Variants in MEI1 observed in about 807,000 individuals in gnomAD.
MEI1 encodes meiotic double-stranded break formation protein 1, also known as meiosis inhibitor protein 1.
A neutral mutation model predicts 146.2 loss-of-function variants in MEI1; 103 were observed. The ratio of observed to expected loss-of-function variants is 0.70; its 90% CI spans 0.60 to 0.83. MEI1 has a LOEUF of 0.83. MEI1 is among the 40% of genes least tolerant of loss of function. The probability of loss-of-function intolerance (pLI) is 0.00; values close to 1 mark genes in which losing one functional copy is unlikely to be tolerated. For missense variants in MEI1, 1,529 were observed against 1,533.0 expected, an observed-to-expected ratio of 1.00 and a Z score of 0.04; for synonymous variants, 652 against 628.2, an observed-to-expected ratio of 1.04 and a Z score of -0.57.
intron 22 of MEI1, among the ~76,000 whole-genome samples, chr22:41,780,779 C>G (rs1467494275): frequency 6.6e-6 from 1 of 151,902 alleles, no homozygotes; most frequent in Non-Finnish European, 1.5e-5. Context: ...GAGACGGGGT[C>G]TCACCACATT....
At chr22:41,721,273 C>T (rs2070771581) in intron 6 of MEI1, among the ~76,000 whole-genome samples, 2 of 116,016 alleles carry the variant, frequency 1.7e-5, no homozygotes, top group African/African-American at 7.0e-5. Flanking sequence ...GAGACGGAGT[C>T]TCGCTCTGTC....
chr22:41,719,763 A>AT (rs1164655407), intron 6 of MEI1, among the ~76,000 whole-genome samples: 2 of 152,016 alleles, frequency 1.3e-5, no homozygotes, highest in East Asian at 1.9e-4. Flanking sequence ...CTCTCCTGCT[A>AT]TTTTTTTACA....
chr22:41,775,956 A>T, intron 20 of MEI1, 146 bp from the exon 21 acceptor site: 1 of 725,680 alleles, frequency 1.4e-6, no homozygotes, highest in Non-Finnish European at 2.3e-6. Flanking sequence ...AGCCTTTGGT[A>T]CATAATAGGT....
At chr22:41,765,883 C>A (rs201613568) in intron 19 of MEI1, among the ~76,000 whole-genome samples, 2 of 86,106 alleles carry the variant, frequency 2.3e-5, no homozygotes, top group Non-Finnish European at 2.3e-5. Context: ...CCAAAATGTT[C>A]TTTTTTTTTT....
At chr22:41,792,803 T>A (rs1056770293) in intron 26 of MEI1, among the ~76,000 whole-genome samples, 3 of 152,160 alleles carry the variant, frequency 2.0e-5, no homozygotes, top group African/African-American at 7.2e-5. Context: ...CTTTAGCTAT[T>A]GGTAGATGTA....
At chr22:41,792,918 TAAA>T (rs139554) in intron 26 of MEI1, among the ~76,000 whole-genome samples, 249 of 144,306 alleles carry the variant, frequency 1.7e-3, no homozygotes, top group Middle Eastern at 7.3e-3. Context: ...CCTGTTGCTT[TAAA>T]AAAAAAAAAA....
chr22:41,768,808 C>T (rs2075008747), intron 19 of MEI1, among the ~76,000 whole-genome samples: 2 of 152,316 alleles, frequency 1.3e-5, no homozygotes, highest in Non-Finnish European at 1.5e-5. Flanking sequence ...CCAGGCTCCT[C>T]CTCCAACACT....
intron 23 of MEI1, 94 bp downstream of exon 23, chr22:41,781,488 G>A: frequency 8.3e-7 from 1 of 1,211,040 alleles, no homozygotes; most frequent in East Asian, 2.6e-5. Context: ...AAATAGGGTT[G>A]TGTGTGTGGC....
intron 11 of MEI1, among the ~76,000 whole-genome samples, chr22:41,737,605 G>A (rs1285758730): frequency 1.3e-5 from 2 of 151,760 alleles, no homozygotes; most frequent in Middle Eastern, 3.2e-3. Flanking sequence ...GCAGTCATGC[G>A]ATCTTAGCTA....
chr22:41,794,565 C>G, intron 28 of MEI1, 88 bp downstream of exon 28: 1 of 1,070,356 alleles, frequency 9.3e-7, no homozygotes, highest in Non-Finnish European at 1.4e-6. Flanking sequence ...CTTTAGGTAA[C>G]CCTAATCCTT....
intron 20 of MEI1, among the ~76,000 whole-genome samples, chr22:41,772,409 G>C (rs114833052): frequency 1.3e-5 from 2 of 151,916 alleles, no homozygotes; most frequent in Admixed American, 6.6e-5. Flanking sequence ...TTGGGAGGCC[G>C]AGCCAGGTGA....
chr22:41,774,908 C>G (rs1253347231), intron 20 of MEI1, among the ~76,000 whole-genome samples: 2 of 152,212 alleles, frequency 1.3e-5, no homozygotes, highest in Non-Finnish European at 2.9e-5. Context: ...CCCCATCCCT[C>G]TCCTTCTGCC....
chr22:41,699,507 G>A lies in MEI1; in HGVS notation c.-32G>A, dbSNP rs774358119. ...GCATGCGTGCAGTCTGCGCGGGAAA[G>A]AGTGCCGCCTCAGCTGAGGGCAAGC... On this transcript the variant is annotated 5_prime_UTR_variant, in exon 1 of 31. Coordinates refer to ENST00000401548, the MANE Select transcript of MEI1 (RefSeq NM_152513.4). 4.4e-6 allele frequency: 7 copies of A among 1,589,930 alleles called. No homozygotes were observed. In the East Asian group the frequency reaches 1.6e-4, roughly 36 times the overall value.
chr22:41,756,516 C>T (rs2074102328), intron 17 of MEI1, among the ~76,000 whole-genome samples: 1 of 152,078 alleles, frequency 6.6e-6, no homozygotes, highest in African/African-American at 2.4e-5. Context: ...TTCTGTTGCC[C>T]AGGCTGGAGT....
chr22:41,758,310 T>G, intron 17 of MEI1, 55 bp from the exon 18 acceptor site: 1 of 1,544,394 alleles, frequency 6.5e-7, no homozygotes, highest in Non-Finnish European at 8.9e-7. Flanking sequence ...AATGTGCTGA[T>G]TACCTGTTCT....
Position 41,705,529 on chromosome 22 carries a change from G to A in MEI1, c.324G>A (p.Gly108=), listed in dbSNP as rs1240635597. ...LFGLLCSMED[G]SVTDLCIEVL... is the part of the protein sequence containing the mutation. ...GACTATTATGCAGCATGGAAGATGG[G>A]AGTGTGACAGACCTCTGTATTGAAG... Residue 108 remains glycine, a synonymous_variant, in exon 3 of 31, where the codon GGG becomes GGA. Coordinates refer to ENST00000401548, the MANE Select transcript of MEI1 (RefSeq NM_152513.4). 4.3e-6 allele frequency: 7 copies of A among 1,613,634 alleles called. No individual in the cohort carries two copies. Among genetic ancestry groups the A allele is most frequent in the Non-Finnish European group, 5.9e-6 (7 of 1,179,682 alleles).
intron 5 of MEI1, among the ~76,000 whole-genome samples, chr22:41,716,392 T>A (rs1275307655): frequency 1.4e-5 from 1 of 70,244 alleles, no homozygotes; most frequent in African/African-American, 6.4e-5. Context: ...TTTTTTTTTT[T>A]TGAGACGGAG....
intron 3 of MEI1, chr22:41,709,215 C>G: frequency 1.2e-6 from 1 of 854,282 alleles, no homozygotes; most frequent in Non-Finnish European, 2.0e-6. Flanking sequence ...AAAATGTACA[C>G]ACTTCACTTG....
intron 1 of MEI1, among the ~76,000 whole-genome samples, chr22:41,702,188 T>G (rs1403921098): frequency 6.6e-6 from 1 of 152,254 alleles, no homozygotes; most frequent in African/African-American, 2.4e-5. Context: ...TTGCCCAGGC[T>G]GGAGTGCAAT....
Sources: allele counts gnomAD v4.1 joint callset (sites outside exome capture counted in the v4.1 genomes callset), GRCh38; gene constraint gnomAD v4.1.1; transcripts MANE v1.5; gene names NCBI Gene and HGNC (gene_info 2026-07-23, HGNC 2026-07-21).